The following FGF12 variants were observed in gnomAD, a reference collection of about 807,000 sequenced individuals.
FGF12 encodes the protein fibroblast growth factor 12B.
A neutral mutation model predicts 23.6 loss-of-function variants in FGF12; 14 were observed. The ratio of observed to expected loss-of-function variants is 0.59; its 90% CI spans 0.39 to 0.93. The LOEUF (loss-of-function observed/expected upper bound fraction) is 0.93, where lower values mean the gene tolerates loss of function less well. Among genes scored for constraint, FGF12 ranks in the 40% least tolerant of loss-of-function variants. FGF12 has a pLI of 0.00. For missense variants in FGF12, 175 were observed against 217.8 expected (o/e 0.80, Z 1.24); for synonymous variants, 62 against 77.3 (o/e 0.80, Z 1.04).
chr3:192,602,953 A>G (rs899897912), intron 2 of FGF12, among the ~76,000 whole-genome samples: 1 of 152,106 alleles, frequency 6.6e-6, no homozygotes, highest in Non-Finnish European at 1.5e-5. Context: ...CATCTCAATA[A>G]ACACAGGAAA....
chr3:192,312,081 T>C (rs776932698), intron 4 of FGF12, among the ~76,000 whole-genome samples: 10 of 152,288 alleles, frequency 6.6e-5, no homozygotes, highest in Non-Finnish European at 1.2e-4. Context: ...TTATCAGATA[T>C]GTGGTTTTCA....
chr3:192,625,489 T>C (rs1158584294), intron 2 of FGF12, among the ~76,000 whole-genome samples: 3 of 152,122 alleles, frequency 2.0e-5, no homozygotes, highest in Non-Finnish European at 4.4e-5. Flanking sequence ...TATTTTTCTA[T>C]ATTAAAAATT....
intron 2 of FGF12, among the ~76,000 whole-genome samples, chr3:192,386,385 A>G (rs1187129844): frequency 6.6e-6 from 1 of 152,176 alleles, no homozygotes; most frequent in Non-Finnish European, 1.5e-5. Flanking sequence ...GAAATTATTA[A>G]GTCTCATTTC....
intron 4 of FGF12, among the ~76,000 whole-genome samples, chr3:192,305,379 T>C (rs1715565930): frequency 6.6e-6 from 1 of 152,058 alleles, no homozygotes; most frequent in Non-Finnish European, 1.5e-5. Context: ...AATACCTTTG[T>C]TTGTGTTTTA....
chr3:192,456,492 T>C (rs1722685334), intron 2 of FGF12, among the ~76,000 whole-genome samples: 1 of 152,214 alleles, frequency 6.6e-6, no homozygotes, highest in South Asian at 2.1e-4. Flanking sequence ...AGGCTTATTG[T>C]AGAAAAAAAT....
Position 192,514,888 on chromosome 3 carries a change from A to C in FGF12, c.14-154350T>G. ...CGCCCAGGTGGAGGGGAGTTTGCAC[A>C]TGGAGCCGGAGGGAGCCCGGGCGCC... is the stretch of plus-strand genomic sequence containing the variant. On this transcript the variant is annotated intron_variant, in intron 2 of 5. Coordinates refer to ENST00000445105, the MANE Select transcript of FGF12 (RefSeq NM_004113.6). This position sits in a 1 kb window ranked among gnomAD's most constrained non-coding sequence, Gnocchi z 4.9. 2 of 985,194 alleles carry C rather than the reference A, an allele frequency of 2.0e-6. No homozygotes were observed. The highest frequency in any genetic ancestry group is 2.4e-6 in the Non-Finnish European group (2 of 829,838). 61.0% of individuals were successfully genotyped at this position (985,194 alleles called of 1,614,324 possible).
At chr3:192,424,147 C>G (rs1201551902) in intron 2 of FGF12, among the ~76,000 whole-genome samples, 1 of 151,772 alleles carries the variant, frequency 6.6e-6, no homozygotes, top group Non-Finnish European at 1.5e-5. Context: ...ATAAGCTAAG[C>G]ATTTCTTCAC....
chr3:192,478,186 T>G (rs1723381402), intron 2 of FGF12, among the ~76,000 whole-genome samples: 11 of 152,206 alleles, frequency 7.2e-5, no homozygotes. Context: ...ACATATATAC[T>G]GAGCAATTAC....
At chr3:192,520,459 A>G (rs1353350514) in intron 2 of FGF12, among the ~76,000 whole-genome samples, 1 of 152,168 alleles carries the variant, frequency 6.6e-6, no homozygotes, top group Non-Finnish European at 1.5e-5. Context: ...AGAGTACAGT[A>G]TTTATGTACA....
At chr3:192,599,903 T>C (rs1444356939) in intron 2 of FGF12, among the ~76,000 whole-genome samples, 1 of 152,084 alleles carries the variant, frequency 6.6e-6, no homozygotes, top group Non-Finnish European at 1.5e-5. Context: ...TACAATCCCA[T>C]TTGTTTATAT....
intron 2 of FGF12, among the ~76,000 whole-genome samples, chr3:192,361,098 C>T (rs11711838): frequency 0.29 from 41,787 of 145,500 alleles, 6,081 homozygotes; most frequent in Admixed American, 0.38. Flanking sequence ...TATGTGGAAA[C>T]GCAAATTTCA....
intron 3 of FGF12, among the ~76,000 whole-genome samples, chr3:192,355,948 G>T (rs1309947815): frequency 6.6e-6 from 1 of 152,154 alleles, no homozygotes; most frequent in Non-Finnish European, 1.5e-5. Flanking sequence ...TTGCAAATGT[G>T]AAATTGTCTA....
intron 2 of FGF12, among the ~76,000 whole-genome samples, chr3:192,404,941 T>C (rs1451778310): frequency 6.6e-6 from 1 of 152,182 alleles, no homozygotes. Context: ...ATAATAATAA[T>C]ACCAATGGTT....
chr3:192,649,971 G>T (rs746390520), intron 2 of FGF12, among the ~76,000 whole-genome samples: 5 of 152,172 alleles, frequency 3.3e-5, no homozygotes, highest in Non-Finnish European at 7.4e-5. Flanking sequence ...AGCTTCAGGG[G>T]ATAAGTTGGT....
intron 2 of FGF12, among the ~76,000 whole-genome samples, chr3:192,482,057 T>C (rs1723495186): frequency 6.6e-6 from 1 of 152,202 alleles, no homozygotes; most frequent in Non-Finnish European, 1.5e-5. Flanking sequence ...TTTGCTACTA[T>C]GTCATTATCA....
chr3:192,620,241 C>A (rs147416394), intron 2 of FGF12, among the ~76,000 whole-genome samples: 12 of 62,174 alleles, frequency 1.9e-4, no homozygotes, highest in Admixed American at 3.0e-4. Context: ...TACACACACA[C>A]GCGCGCGCGC....
At chr3:192,146,272 A>ATATATTTTT (rs746233904) in intron 5 of FGF12, among the ~76,000 whole-genome samples, 2 of 143,254 alleles carry the variant, frequency 1.4e-5, no homozygotes, top group African/African-American at 5.2e-5. Context: ...TAAAGTGTAT[A>ATATATTTTT]TTTTTTTTTT....
At chr3:192,559,390 A>G (rs1711919416) in intron 2 of FGF12, among the ~76,000 whole-genome samples, 1 of 152,020 alleles carries the variant, frequency 6.6e-6, no homozygotes, top group Non-Finnish European at 1.5e-5. Context: ...TAGTAAAAAG[A>G]TGAGTGGTTA....
At chr3:192,709,857 G>A (rs538490332) in intron 2 of FGF12, among the ~76,000 whole-genome samples, 1 of 152,118 alleles carries the variant, frequency 6.6e-6, no homozygotes, top group Non-Finnish European at 1.5e-5. Context: ...CTTGAACACT[G>A]GTGTCTGTCT....
Sources: allele counts gnomAD v4.1 joint callset (sites outside exome capture counted in the v4.1 genomes callset), GRCh38; gene constraint gnomAD v4.1.1; non-coding constraint Gnocchi (gnomAD v3.1); transcripts MANE v1.5; gene names NCBI Gene and HGNC (gene_info 2026-07-23, HGNC 2026-07-21).